Variants in LINGO2 observed in about 807,000 individuals in gnomAD.
The protein encoded by LINGO2 is leucine-rich repeat and immunoglobulin-like domain-containing nogo receptor-interacting protein 2.
LINGO2 carries 14 observed loss-of-function variants against 30.6 expected under a neutral mutation model. The observed-to-expected ratio is 0.46, with a 90% CI of 0.30 to 0.72. The LOEUF is 0.72. Among genes scored for constraint, LINGO2 ranks in the 30% least tolerant of loss-of-function variants. The pLI is 0.07. For missense variants in LINGO2, 729 were observed against 751.7 expected, an observed-to-expected ratio of 0.97 and a Z score of 0.35; for synonymous variants, 317 against 288.5, an observed-to-expected ratio of 1.10 and a Z score of -1.00.
exon 6 of LINGO2, chr9:27,949,320 A>T (rs1367044677): frequency 6.2e-7 from 1 of 1,613,980 alleles, no homozygotes; most frequent in African/African-American, 1.3e-5. Flanking sequence ...GGTGGTGATG[A>T]AACGCCTTCG....
chr9:29,147,263 G>A, the LINGO2 span, among the ~76,000 whole-genome samples: 1 of 152,052 alleles, frequency 6.6e-6, no homozygotes, highest in African/African-American at 2.4e-5. Flanking sequence ...GAGACCTTTG[G>A]ATATAATAAA....
the LINGO2 span, among the ~76,000 whole-genome samples, chr9:28,968,678 A>C: frequency 2.0e-5 from 3 of 152,188 alleles, no homozygotes; most frequent in Admixed American, 6.5e-5. Context: ...ATTAGATCTC[A>C]GAAGTCCTTT....
chr9:28,749,900 T>G, the LINGO2 span, among the ~76,000 whole-genome samples: 3 of 152,104 alleles, frequency 2.0e-5, no homozygotes, highest in East Asian at 5.8e-4. Flanking sequence ...TTAGTCATAA[T>G]TGCTAAAAGG....
intron 1 of LINGO2, among the ~76,000 whole-genome samples, chr9:28,636,962 A>G (rs1235342817): frequency 1.3e-5 from 2 of 152,172 alleles, no homozygotes; most frequent in Admixed American, 6.5e-5. Flanking sequence ...TAGGTCTAAC[A>G]TTTAAGTCTT....
At chr9:28,750,965 C>A in the LINGO2 span, among the ~76,000 whole-genome samples, 1 of 151,662 alleles carries the variant, frequency 6.6e-6, no homozygotes, top group Non-Finnish European at 1.5e-5. Context: ...TAGTATTGCT[C>A]AGGACAAAGA....
intron 4 of LINGO2, among the ~76,000 whole-genome samples, chr9:28,179,460 T>TGTATATATACTATATATAGTTTATA (rs1828844682): frequency 3.6e-5 from 5 of 138,180 alleles, no homozygotes; most frequent in African/African-American, 5.3e-5. Context: ...TATACTATAG[T>TGTATATATACTATATATAGTTTATA]GTATATATAC....
At position 28,023,597 on chromosome 9, in the gene LINGO2, C is replaced by A. The variant is rs554459363; in HGVS notation, c.-86-11192G>T. 1.3e-4 allele frequency among the ~76,000 whole-genome samples: 20 copies of A among 152,252 alleles called. 1 individual carries two copies. The South Asian group carries it at 2.3e-3, about 17-fold the overall frequency. ...ACAAGTTTTCTTAGCTTCTCCGCAG[C>A]CCAGTTGAAACAGGAAAGCTAGAGG... On this transcript the variant is annotated intron_variant, in intron 4 of 5. Coordinates refer to ENST00000379992, the Ensembl canonical transcript of LINGO2.
chr9:28,761,484 GCA>G, the LINGO2 span, among the ~76,000 whole-genome samples: 4 of 149,108 alleles, frequency 2.7e-5, no homozygotes, highest in South Asian at 2.1e-4. Flanking sequence ...ATATACATGC[GCA>G]CACACACACA....
intron 5 of LINGO2, among the ~76,000 whole-genome samples, chr9:27,957,074 CAGTGAG>C (rs1187512783): frequency 2.0e-5 from 3 of 152,152 alleles, no homozygotes; most frequent in Admixed American, 6.5e-5. Flanking sequence ...GTCTGGGTGA[CAGTGAG>C]ACCCTGTCTC....
chr9:28,077,043 A>C (rs1001405441), intron 4 of LINGO2, among the ~76,000 whole-genome samples: 3 of 152,184 alleles, frequency 2.0e-5, no homozygotes, highest in African/African-American at 2.4e-5. Flanking sequence ...TTTTGACGTG[A>C]CTTAATGAAG....
chr9:28,397,126 A>G (rs1822078726), intron 2 of LINGO2, among the ~76,000 whole-genome samples: 1 of 151,944 alleles, frequency 6.6e-6, no homozygotes, highest in African/African-American at 2.4e-5. Context: ...ATAATCCTGG[A>G]CTTAATTTTC....
intron 2 of LINGO2, among the ~76,000 whole-genome samples, chr9:28,456,120 G>C (rs1424423489): frequency 6.6e-6 from 1 of 152,124 alleles, no homozygotes; most frequent in East Asian, 1.9e-4. Context: ...ATCTTATGCT[G>C]TGTTGTGTTT....
intron 5 of LINGO2, among the ~76,000 whole-genome samples, chr9:27,997,103 G>A (rs942793786): frequency 6.6e-6 from 1 of 152,026 alleles, no homozygotes; most frequent in African/African-American, 2.4e-5. Flanking sequence ...AATACCATCA[G>A]TTACTTCTGA....
the LINGO2 span, among the ~76,000 whole-genome samples, chr9:28,857,310 C>T: frequency 6.6e-6 from 1 of 152,042 alleles, no homozygotes; most frequent in African/African-American, 2.4e-5. Flanking sequence ...ACAACAAAAG[C>T]AATTACTAGC....
intron 1 of LINGO2, among the ~76,000 whole-genome samples, chr9:28,517,961 G>A (rs1335881459): frequency 6.6e-6 from 1 of 152,140 alleles, no homozygotes; most frequent in Non-Finnish European, 1.5e-5. Flanking sequence ...GAACATAGCA[G>A]TCTGGAAATG....
chr9:29,122,534 T>C, the LINGO2 span, among the ~76,000 whole-genome samples: 3 of 152,152 alleles, frequency 2.0e-5, no homozygotes, highest in Admixed American at 2.0e-4. Context: ...GTGTAACTTT[T>C]CATCAAATAT....
At chr9:28,149,692 G>A (rs372514032) in intron 4 of LINGO2, among the ~76,000 whole-genome samples, 5 of 148,348 alleles carry the variant, frequency 3.4e-5, no homozygotes, top group East Asian at 2.0e-4. Context: ...AGTGAGGAAC[G>A]CTTCTGCCTG....
At chr9:29,177,558 T>C in the LINGO2 span, among the ~76,000 whole-genome samples, 1 of 152,154 alleles carries the variant, frequency 6.6e-6, no homozygotes, top group African/African-American at 2.4e-5. Flanking sequence ...AACATGGATA[T>C]GTCCCCAGAG....
intron 3 of LINGO2, among the ~76,000 whole-genome samples, chr9:28,328,434 A>G (rs1293790409): frequency 6.6e-6 from 1 of 152,170 alleles, no homozygotes; most frequent in Non-Finnish European, 1.5e-5. Context: ...TTCACAACCA[A>G]ACATATGCCT....
Sources: gnomAD v4.1 joint callset for allele counts (sites outside exome capture counted in the v4.1 genomes callset) on GRCh38, gnomAD v4.1.1 for gene constraint, MANE v1.5 for transcripts, NCBI Gene and HGNC (gene_info 2026-07-23, HGNC 2026-07-21) for gene names.